The following SPRTN variants were observed in gnomAD, a reference collection of about 807,000 sequenced individuals.
The protein encoded by SPRTN is SprT-like N-terminal domain.
Under a neutral mutation model 31.9 loss-of-function variants are expected in SPRTN, and 11 were observed. The ratio of observed to expected loss-of-function variants is 0.34; its 90% CI spans 0.22 to 0.57. The LOEUF is 0.57. Among genes scored for constraint, SPRTN ranks in the 20% least tolerant of loss-of-function variants. The probability of loss-of-function intolerance (pLI) is 0.86; values close to 1 mark genes in which losing one functional copy is unlikely to be tolerated. For synonymous variants in SPRTN, 185 were observed against 212.1 expected (o/e 0.87, Z 1.11); for missense variants, 482 against 590.1 (o/e 0.82, Z 1.90).
At chr1:231,339,527 AG>A (rs1389843287) in intron 1 of SPRTN, 1 of 712,144 alleles carries the variant, frequency 1.4e-6, no homozygotes. Context: ...CACCTTCTCA[AG>A]CAGGGTGGTG....
intron 3 of SPRTN, among the ~76,000 whole-genome samples, chr1:231,349,200 A>G (rs1220702059): frequency 6.6e-6 from 1 of 151,732 alleles, no homozygotes; most frequent in Non-Finnish European, 1.5e-5. Context: ...CTGGTCTTGA[A>G]CTCATGGGTT....
intron 2 of SPRTN, among the ~76,000 whole-genome samples, chr1:231,342,870 G>A (rs542911303): frequency 3.9e-5 from 6 of 152,008 alleles, no homozygotes; most frequent in Non-Finnish European, 8.8e-5. Context: ...ACATAGCTGG[G>A]ACTACAGGCA....
chr1:231,338,759 G>T (rs552090150), intron 1 of SPRTN, among the ~76,000 whole-genome samples, 155 bp downstream of exon 1: 9 of 152,298 alleles, frequency 5.9e-5, no homozygotes, highest in Admixed American at 5.9e-4. Context: ...GCCTCGGCGT[G>T]TTTCTGTCTT....
At chr1:231,339,562 G>C in intron 1 of SPRTN, 1 of 742,762 alleles carries the variant, frequency 1.3e-6, no homozygotes, top group South Asian at 1.5e-5. Flanking sequence ...TTCCTTCCTT[G>C]CCCGGCGGGG....
intron 4 of SPRTN, chr1:231,352,009 G>T (rs1484828268): frequency 2.0e-6 from 2 of 996,224 alleles, no homozygotes; most frequent in Non-Finnish European, 2.4e-6. Flanking sequence ...CTATCAGCTG[G>T]ATTCTATCCA....
At position 231,354,065 on chromosome 1, in the gene SPRTN, C is replaced by T. The variant is rs573016124; in HGVS notation, c.*704C>T. On this transcript the variant is annotated 3_prime_UTR_variant, in exon 5 of 5. Transcript: ENST00000295050. ...AGGCCAAATTTTATATTGAGTTTAG[C>T]TGTTTTCTCAAAATTTAGCAGAGTG... The T allele has an allele frequency of 4.2e-4, 413 of 976,952 alleles. 3 individuals carry two copies. The South Asian group carries it at 6.3e-3, about 15-fold the overall frequency. The allele number at this position is 976,952 out of a possible 1,614,324, so 60.5% of individuals were successfully genotyped here.
chr1:231,348,594 A>T (rs766079455), intron 3 of SPRTN, among the ~76,000 whole-genome samples: 2 of 151,914 alleles, frequency 1.3e-5, no homozygotes, highest in Non-Finnish European at 2.9e-5. Flanking sequence ...ACTGCCTCCA[A>T]CTCTGCTGCC....
chr1:231,353,340 C>A lies in SPRTN; in HGVS notation c.1449C>A (p.Val483=), dbSNP rs1190493432. 1.3e-6 allele frequency: 2 copies of A among 1,587,800 alleles called. No homozygotes were observed. The highest frequency in any genetic ancestry group is 1.2e-5 in the South Asian group (1 of 86,656). Residue 483 remains valine (V), a synonymous_variant, in exon 5 of 5, where the codon GTC becomes GTA. Transcript: ENST00000295050. ...DWCLEGDSIK[V]KSEESL The stretch of plus-strand genomic sequence containing the variant: ...GCCTTGAAGGTGACAGCATCAAAGT[C>A]AAAAGCGAAGAAAGTCTTTGAAAAA...
rs1021000250 is a variant in SPRTN at position 231,347,651 on chromosome 1, A to C, written c.322-146A>C. 4.3e-4 allele frequency: 413 copies of C among 970,376 alleles called. 1 individual carries two copies. Among genetic ancestry groups the C allele is most frequent in the Non-Finnish European group, 3.7e-4 (253 of 691,704 alleles). 60.1% of individuals were successfully genotyped at this position (970,376 alleles called of 1,614,324 possible). ...AGTGTTGGGATTACAGGTGTGAGCC[A>C]CTGCACCCGGCCTAGAATGAGTTTT... On this transcript the variant is annotated intron_variant, in intron 2 of 4. Transcript: ENST00000295050.
At chr1:231,338,750 C>T in intron 1 of SPRTN, 146 bp downstream of exon 1, 1 of 861,062 alleles carries the variant, frequency 1.2e-6, no homozygotes, top group Non-Finnish European at 1.8e-6. Context: ...GCAATTCCTG[C>T]CTCGGCGTGT....
At chr1:231,341,815 C>T (rs1686900178) in intron 2 of SPRTN, among the ~76,000 whole-genome samples, 2 of 152,222 alleles carry the variant, frequency 1.3e-5, no homozygotes, top group African/African-American at 2.4e-5. Context: ...GGTGAAACCC[C>T]GTCTCTACTA....
At chr1:231,341,861 C>T (rs767752530) in intron 2 of SPRTN, among the ~76,000 whole-genome samples, 2 of 152,170 alleles carry the variant, frequency 1.3e-5, no homozygotes, top group African/African-American at 2.4e-5. Context: ...GTGACACAGC[C>T]TGTAGTACCA....
intron 3 of SPRTN, among the ~76,000 whole-genome samples, chr1:231,348,796 T>C (rs1558366138): frequency 6.6e-6 from 1 of 152,216 alleles, no homozygotes; most frequent in Non-Finnish European, 1.5e-5. Flanking sequence ...TTCATACTTT[T>C]GAACGCAGGG....
chr1:231,339,441 C>A, intron 1 of SPRTN: 1 of 540,292 alleles, frequency 1.9e-6, no homozygotes, highest in South Asian at 1.8e-5. Context: ...GCCATGTGGT[C>A]CGCATCGTAT....
At chr1:231,342,487 A>G (rs1377402736) in intron 2 of SPRTN, among the ~76,000 whole-genome samples, 1 of 147,526 alleles carries the variant, frequency 6.8e-6, no homozygotes, top group Non-Finnish European at 1.5e-5. Flanking sequence ...CTGGAGTGCA[A>G]TGATATGATC....
chr1:231,347,430 G>A (rs1687092903), intron 2 of SPRTN, among the ~76,000 whole-genome samples: 1 of 152,124 alleles, frequency 6.6e-6, no homozygotes, highest in Non-Finnish European at 1.5e-5. Context: ...CACAATCACA[G>A]CTCACTGCAG....
chr1:231,352,328 GCAATTTT>G, intron 4 of SPRTN: 1 of 1,111,694 alleles, frequency 9.0e-7, no homozygotes, highest in South Asian at 3.9e-5. Flanking sequence ...AGGACACTAA[GCAATTTT>G]CAAGGTAAAT....
At chr1:231,341,623 T>C (rs972338459) in intron 2 of SPRTN, among the ~76,000 whole-genome samples, 1 of 152,166 alleles carries the variant, frequency 6.6e-6, no homozygotes, top group African/African-American at 2.4e-5. Flanking sequence ...TAAGCAACAA[T>C]ACATAATCTC....
intron 2 of SPRTN, among the ~76,000 whole-genome samples, chr1:231,342,882 C>G (rs1023547918): frequency 7.2e-5 from 11 of 151,760 alleles, no homozygotes; most frequent in African/African-American, 2.7e-4. Context: ...CTACAGGCAC[C>G]CGCCACCATG....
Sources: gnomAD v4.1 joint callset for allele counts (sites outside exome capture counted in the v4.1 genomes callset) on GRCh38, gnomAD v4.1.1 for gene constraint, MANE v1.5 for transcripts, NCBI Gene and HGNC (gene_info 2026-07-23, HGNC 2026-07-21) for gene names.